FGF14: variants seen among roughly 807,000 people sequenced by gnomAD.
FGF14 encodes the protein fibroblast growth factor homologous factor 4.
Under a neutral mutation model 25.5 loss-of-function variants are expected in FGF14, and 5 were observed. That is an observed-to-expected ratio of 0.20 (90% CI 0.10 to 0.41). The LOEUF (loss-of-function observed/expected upper bound fraction) is 0.41, where lower values mean the gene tolerates loss of function less well. Among genes scored for constraint, FGF14 ranks in the 10% least tolerant of loss-of-function variants. The probability of loss-of-function intolerance (pLI) is 1.00; values close to 1 mark genes in which losing one functional copy is unlikely to be tolerated. For synonymous variants in FGF14, 138 were observed against 118.3 expected (o/e 1.17, Z -1.08); for missense variants, 222 against 320.1 (o/e 0.69, Z 2.34).
In FGF14 at chr13:101,916,732, G is replaced by C; in HGVS notation, c.-87C>G. 8.1e-7 allele frequency: 1 copy of C among 1,231,924 alleles called. No homozygotes were observed. The highest frequency in any genetic ancestry group is 1.5e-5 in the African/African-American group (1 of 65,178). The allele number at this position is 1,231,924 out of a possible 1,614,324, so 76.3% of individuals were successfully genotyped here. A position where few individuals can be genotyped will look rare whatever the true frequency, so the allele number is the denominator to read the frequency against. On this transcript the variant is annotated 5_prime_UTR_variant, in exon 1 of 5. Transcript: ENST00000376143. ...GGAGGGGAAGGCGGCGGCGCAGACCGTGGCTCGCCCTCGGGGCAGAGGAGG... is the reference window on the plus strand; with the variant it reads ...GGAGGGGAAGGCGGCGGCGCAGACCCTGGCTCGCCCTCGGGGCAGAGGAGG...
intron 1 of FGF14, among the ~76,000 whole-genome samples, chr13:102,061,638 TC>T (rs1332149683): frequency 6.6e-6 from 1 of 152,250 alleles, no homozygotes; most frequent in Non-Finnish European, 1.5e-5. Context: ...ACATTTTCCA[TC>T]CCACGTGCTC....
At chr13:102,005,318 A>C (rs557741838) in intron 1 of FGF14, among the ~76,000 whole-genome samples, 60 of 152,328 alleles carry the variant, frequency 3.9e-4, no homozygotes, top group Non-Finnish European at 6.8e-4. Context: ...TTGCTCTTGA[A>C]TTACAGCATT....
intron 1 of FGF14, among the ~76,000 whole-genome samples, chr13:102,122,984 T>C (rs2045796601): frequency 6.6e-6 from 1 of 152,188 alleles, no homozygotes; most frequent in Non-Finnish European, 1.5e-5. Context: ...CCAAGTTACC[T>C]GTAAAATTCA....
chr13:101,727,486 T>G (rs2035518279), intron 3 of FGF14, among the ~76,000 whole-genome samples: 1 of 152,150 alleles, frequency 6.6e-6, no homozygotes, highest in Admixed American at 6.6e-5. Context: ...CTGCTCCAAC[T>G]GAAAAACCAC....
chr13:101,724,097 C>G lies in FGF14; in HGVS notation c.608-1130G>C, dbSNP rs144017209. On this transcript the variant is annotated intron_variant, in intron 4 of 4. Transcript: ENST00000376143. ...TTACTTGCTAAGGTAGCAAAAGGAA[C>G]TAATGCGTATCCTGAAAGCACATTC... Among the ~76,000 whole-genome samples, 377 of 152,146 alleles carry G rather than the reference C, an allele frequency of 2.5e-3. 1 individual carries two copies. The highest frequency in any genetic ancestry group is 0.017 in the Middle Eastern group (5 of 294).
At chr13:101,927,583 T>G (rs1463783922) in intron 1 of FGF14, among the ~76,000 whole-genome samples, 1 of 152,230 alleles carries the variant, frequency 6.6e-6, no homozygotes, top group Non-Finnish European at 1.5e-5. Context: ...CTTGTTGCCC[T>G]GCTGCAAGAG....
Position 102,316,794 on chromosome 13 carries a change from C to T in FGF14, c.208+84677G>A, listed in dbSNP as rs149694477. ...TTGAAAATATTAACTCCTTTTTGCACGGTTAATCATACAACCTCTGAAACA... is the reference window on the plus strand; with the variant it reads ...TTGAAAATATTAACTCCTTTTTGCATGGTTAATCATACAACCTCTGAAACA... On this transcript the variant is annotated intron_variant, in intron 1 of 4. Transcript: ENST00000376131. Among the ~76,000 whole-genome samples the T allele has an allele frequency of 2.5e-4, 38 of 152,150 alleles. 1 individual carries two copies. The East Asian group carries it at 6.8e-3, about 27-fold the overall frequency.
At chr13:101,988,292 G>A (rs2038703183) in intron 1 of FGF14, among the ~76,000 whole-genome samples, 1 of 151,910 alleles carries the variant, frequency 6.6e-6, no homozygotes, top group South Asian at 2.1e-4. Context: ...AGAAGCACAG[G>A]ATGATGGCAG....
chr13:101,897,912 G>A (rs1283969767), intron 1 of FGF14, among the ~76,000 whole-genome samples: 1 of 151,612 alleles, frequency 6.6e-6, no homozygotes, highest in Non-Finnish European at 1.5e-5. Context: ...TTTATTTTTT[G>A]GAGACAGAGT....
intron 1 of FGF14, among the ~76,000 whole-genome samples, chr13:101,964,592 C>CA (rs1471390737): frequency 1.3e-5 from 2 of 152,104 alleles, no homozygotes; most frequent in African/African-American, 4.8e-5. Flanking sequence ...CAGAGAGTAT[C>CA]ACTGAGCCCA....
chr13:102,257,326 C>CCATTT (rs1409962154), intron 1 of FGF14, among the ~76,000 whole-genome samples: 1 of 113,328 alleles, frequency 8.8e-6, no homozygotes, highest in Non-Finnish European at 1.9e-5. Flanking sequence ...GCATGCATGT[C>CCATTT]CATTTCCTTT....
chr13:102,227,229 C>A (rs995168648), intron 1 of FGF14, among the ~76,000 whole-genome samples: 1 of 152,094 alleles, frequency 6.6e-6, no homozygotes, highest in Admixed American at 6.6e-5. Flanking sequence ...AGGGCTGTTA[C>A]ATACTCTCTT....
intron 1 of FGF14, among the ~76,000 whole-genome samples, chr13:101,931,143 G>C: frequency 6.6e-6 from 1 of 152,036 alleles, no homozygotes; most frequent in East Asian, 1.9e-4. Flanking sequence ...TGTCCCTTTA[G>C]TTTCAGGAGA....
chr13:102,169,918 G>A (rs1300797855), intron 1 of FGF14, among the ~76,000 whole-genome samples: 5 of 152,040 alleles, frequency 3.3e-5, no homozygotes, highest in Non-Finnish European at 5.9e-5. Flanking sequence ...GTTTTTTTCA[G>A]TTTTATGTTA....
chr13:101,936,098 T>C (rs951415140), intron 1 of FGF14, among the ~76,000 whole-genome samples: 2 of 152,158 alleles, frequency 1.3e-5, no homozygotes, highest in African/African-American at 4.8e-5. Flanking sequence ...ACATACCTTA[T>C]CTTATTTAAT....
chr13:102,280,502 G>C (rs2053774761), intron 1 of FGF14, among the ~76,000 whole-genome samples: 1 of 152,130 alleles, frequency 6.6e-6, no homozygotes, highest in African/African-American at 2.4e-5. Flanking sequence ...AGAGTGGAGG[G>C]GGCAGTGGTC....
intron 1 of FGF14, among the ~76,000 whole-genome samples, chr13:102,080,637 C>T (rs968588839): frequency 6.6e-6 from 1 of 152,204 alleles, no homozygotes; most frequent in African/African-American, 2.4e-5. Context: ...TTCAAAAGTG[C>T]TGTAAGTGAT....
chr13:101,831,936 A>C (rs1377706538), intron 3 of FGF14, among the ~76,000 whole-genome samples: 1 of 152,128 alleles, frequency 6.6e-6, no homozygotes, highest in African/African-American at 2.4e-5. Flanking sequence ...TGGGATTTAA[A>C]GTAGAATGAA....
intron 1 of FGF14, among the ~76,000 whole-genome samples, chr13:102,233,612 T>C (rs1420711813): frequency 6.6e-6 from 1 of 152,168 alleles, no homozygotes; most frequent in Non-Finnish European, 1.5e-5. Flanking sequence ...TGGGAGATCA[T>C]CTCTGGTGCA....
Sources: allele counts gnomAD v4.1 joint callset (sites outside exome capture counted in the v4.1 genomes callset), GRCh38; gene constraint gnomAD v4.1.1; transcripts MANE v1.5; gene names NCBI Gene and HGNC (gene_info 2026-07-23, HGNC 2026-07-21).